Variants in MCPH1 observed in about 807,000 individuals in gnomAD.
MCPH1 encodes the protein microcephalin 1, also known as microcephalin.
MCPH1 carries 104 observed loss-of-function variants against 84.5 expected under a neutral mutation model. The observed-to-expected ratio is 1.23, with a 90% confidence interval of 1.05 to 1.45. The LOEUF (loss-of-function observed/expected upper bound fraction) is 1.45. Ranked by LOEUF, MCPH1 falls within the 40% of genes most tolerant of loss-of-function variation. The pLI, the probability that MCPH1 is intolerant of heterozygous loss-of-function variation, is 0.00. For missense variants in MCPH1, 1,498 were observed against 1,005.7 expected (o/e 1.49, Z -6.62); for synonymous variants, 514 against 366.8 (o/e 1.40, Z -4.58).
At chr8:6,551,686 G>A (rs935478369) in intron 12 of MCPH1, among the ~76,000 whole-genome samples, 34 of 152,104 alleles carry the variant, frequency 2.2e-4, no homozygotes, top group African/African-American at 8.2e-4. Flanking sequence ...TATTAAAGTT[G>A]GAAAAGTTTA....
At chr8:6,497,776 A>C (rs1321723856) in intron 11 of MCPH1, among the ~76,000 whole-genome samples, 1 of 152,234 alleles carries the variant, frequency 6.6e-6, no homozygotes, top group African/African-American at 2.4e-5. Flanking sequence ...GTGGCTTTAA[A>C]AATACAAATA....
chr8:6,456,114 G>A (rs1805647952), intron 9 of MCPH1, among the ~76,000 whole-genome samples: 1 of 152,242 alleles, frequency 6.6e-6, no homozygotes, highest in African/African-American at 2.4e-5. Flanking sequence ...GCAGTAACTT[G>A]TAGAAACTTA....
intron 9 of MCPH1, chr8:6,474,370 A>G (rs193089520): frequency 8.2e-6 from 3 of 366,322 alleles, no homozygotes; most frequent in Non-Finnish European, 5.1e-6. Flanking sequence ...ACAAAGTGAC[A>G]CTTTAGGACT....
intron 3 of MCPH1, among the ~76,000 whole-genome samples, chr8:6,415,550 T>C (rs2442544): frequency 0.97 from 147,843 of 152,026 alleles, 72,020 homozygotes; most frequent in East Asian, 1. Context: ...GACGGGGTTT[T>C]ATCATGTTGG....
chr8:6,494,180 C>G (rs2129561519), intron 11 of MCPH1: 1 of 152,274 alleles, frequency 6.6e-6, no homozygotes, highest in East Asian at 1.9e-4. Flanking sequence ...CTCAAGTGAT[C>G]CGCCGACCTT....
intron 8 of MCPH1, chr8:6,447,354 C>T: frequency 2.0e-6 from 2 of 985,226 alleles, no homozygotes; most frequent in Non-Finnish European, 2.4e-6. Flanking sequence ...TTCTGTACAG[C>T]AAACTGTACC....
intron 12 of MCPH1, among the ~76,000 whole-genome samples, chr8:6,604,918 G>A (rs1050901742): frequency 1.3e-5 from 2 of 152,238 alleles, no homozygotes; most frequent in Admixed American, 1.3e-4. Context: ...AGGAGTAAGA[G>A]CAAGAAGATC....
At chr8:6,538,872 G>C (rs552944961) in intron 12 of MCPH1, among the ~76,000 whole-genome samples, 3 of 152,294 alleles carry the variant, frequency 2.0e-5, no homozygotes, top group East Asian at 3.9e-4. Flanking sequence ...GAAAACTTGA[G>C]TGTAAGATTA....
chr8:6,412,504 A>G (rs1006055206), intron 2 of MCPH1, among the ~76,000 whole-genome samples: 9 of 152,200 alleles, frequency 5.9e-5, no homozygotes, highest in Admixed American at 4.6e-4. Flanking sequence ...TCTTAAGCCA[A>G]TTTCAGGATT....
At chr8:6,575,576 T>G (rs1827007683) in intron 12 of MCPH1, among the ~76,000 whole-genome samples, 1 of 152,218 alleles carries the variant, frequency 6.6e-6, no homozygotes, top group Non-Finnish European at 1.5e-5. Flanking sequence ...AATTTGTCAC[T>G]TCTTTGAAGG....
At chr8:6,473,819 T>G (rs563675319) in intron 9 of MCPH1, 70 of 1,273,566 alleles carry the variant, frequency 5.5e-5, no homozygotes, top group East Asian at 1.5e-4. Context: ...CAAGAGTGAT[T>G]GTAAAGTAGC....
Position 6,525,059 on chromosome 8 carries a change from G to C in MCPH1, c.2214+25130G>C, listed in dbSNP as rs999790072. 5.3e-5 allele frequency among the ~76,000 whole-genome samples: 8 copies of C among 152,298 alleles called. No individual in the cohort carries two copies. In the South Asian group the frequency reaches 1.7e-3, roughly 32 times the overall value. ...TTCATGGCCTCTCGGGCCCCTTTTAGTTCGAATGATCTGGTAAATCCACCT... is the reference window on the plus strand; with the variant it reads ...TTCATGGCCTCTCGGGCCCCTTTTACTTCGAATGATCTGGTAAATCCACCT... On this transcript the variant is annotated intron_variant, in intron 12 of 13. Coordinates refer to ENST00000344683, the MANE Select transcript of MCPH1 (RefSeq NM_024596.5).
At chr8:6,410,635 G>A (rs1798409926) in intron 2 of MCPH1, among the ~76,000 whole-genome samples, 1 of 152,160 alleles carries the variant, frequency 6.6e-6, no homozygotes, top group African/African-American at 2.4e-5. Context: ...TCACTTTGAT[G>A]ACGGGTTTTA....
chr8:6,586,933 C>G (rs1828031918), intron 12 of MCPH1, among the ~76,000 whole-genome samples: 1 of 152,206 alleles, frequency 6.6e-6, no homozygotes, highest in South Asian at 2.1e-4. Context: ...ATGGAAACAG[C>G]TCTGCTAACA....
At chr8:6,549,610 G>C (rs1423095150) in intron 12 of MCPH1, among the ~76,000 whole-genome samples, 1 of 151,414 alleles carries the variant, frequency 6.6e-6, no homozygotes, top group Non-Finnish European at 1.5e-5. Flanking sequence ...TGAGTTGGGC[G>C]GTCGTTACAC....
chr8:6,437,093 A>T (rs1802763163), intron 5 of MCPH1, among the ~76,000 whole-genome samples: 1 of 152,232 alleles, frequency 6.6e-6, no homozygotes, highest in African/African-American at 2.4e-5. Context: ...ATTGCTACAG[A>T]TAAGCAATTA....
intron 11 of MCPH1, among the ~76,000 whole-genome samples, chr8:6,489,861 AAACTAAGATTATGT>A (rs1231373810): frequency 6.6e-6 from 1 of 152,188 alleles, no homozygotes; most frequent in African/African-American, 2.4e-5. Context: ...TTTAAAAAGT[AAACTAAGATTATGT>A]ATATTAATGA....
intron 12 of MCPH1, chr8:6,508,041 T>G (rs1814137958): frequency 6.6e-6 from 1 of 152,186 alleles, no homozygotes; most frequent in South Asian, 2.1e-4. Context: ...AAACCTACAA[T>G]ACAAGAAAGG....
At chr8:6,481,936 A>G (rs986830904) in intron 11 of MCPH1, among the ~76,000 whole-genome samples, 2 of 152,246 alleles carry the variant, frequency 1.3e-5, no homozygotes, top group Non-Finnish European at 2.9e-5. Flanking sequence ...ATAACAATTT[A>G]TAAGTCTTTA....
Sources: allele counts gnomAD v4.1 joint callset (sites outside exome capture counted in the v4.1 genomes callset), GRCh38; gene constraint gnomAD v4.1.1; transcripts MANE v1.5; gene names NCBI Gene and HGNC (gene_info 2026-07-23, HGNC 2026-07-21).